POMGNT1: variants seen among roughly 807,000 people sequenced by gnomAD.
The protein encoded by POMGNT1 is protein O-linked mannose N-acetylglucosaminyltransferase 1 (beta 1,2-).
Under a neutral mutation model 95.6 loss-of-function variants are expected in POMGNT1, and 67 were observed. The ratio of observed to expected loss-of-function variants is 0.70; its 90% CI spans 0.58 to 0.86. The LOEUF (loss-of-function observed/expected upper bound fraction) is 0.86, where lower values mean the gene tolerates loss of function less well. POMGNT1 is among the 40% of genes least tolerant of loss of function. The pLI is 0.00. For synonymous variants in POMGNT1, 298 were observed against 317.9 expected (o/e 0.94, Z 0.66); for missense variants, 719 against 855.2 (o/e 0.84, Z 1.99).
intron 1 of POMGNT1, among the ~76,000 whole-genome samples, chr1:46,216,983 T>C (rs569377501): frequency 6.6e-6 from 1 of 152,328 alleles, no homozygotes; most frequent in South Asian, 2.1e-4. Context: ...TTATATCTTA[T>C]GGATGTGTAA....
At chr1:46,190,101 T>C in intron 19 of POMGNT1, 112 bp from the exon 20 acceptor site, 1 of 1,108,562 alleles carries the variant, frequency 9.0e-7, no homozygotes, top group South Asian at 1.8e-5. Flanking sequence ...GAAGTTCTTT[T>C]TTTTTTTTTT....
rs1657944896 is a variant in POMGNT1 at position 46,193,358 on chromosome 1, G to C, written c.1057C>G (p.Leu353Val). The change falls in exon 12 of 22, where the codon CTG becomes GTG. Residue 353 changes from leucine (L) to valine (V), a missense_variant. Around this residue, in one of 5 missense-constraint regions of POMGNT1, gnomAD observed 466 missense variants for 517.4 expected, o/e 0.90. Coordinates refer to ENST00000371984, the MANE Select transcript of POMGNT1 (RefSeq NM_017739.4). ...EPMDVVALFG[L>V]RGIQHTPISI... ...ATGGGAGTATGCTGGATGCCCCTCA[G>C]ACCAAACAGTGCCACCACATCCATG... 1 of 1,613,224 alleles carries C rather than the reference G, an allele frequency of 6.2e-7. No individual in the cohort carries two copies. The highest frequency in any genetic ancestry group is 1.3e-5 in the African/African-American group (1 of 74,900).
chr1:46,189,654 C>G, intron 20 of POMGNT1, 87 bp from the exon 21 acceptor site: 1 of 1,556,676 alleles, frequency 6.4e-7, no homozygotes. Flanking sequence ...GCCCCCACCC[C>G]TCCTCAGAAA....
rs386834016 is a variant in POMGNT1, at chr1:46,190,786, T to C, written c.1540-2A>G. ...CTTGTGCTTCTTGAAGTAGGCCTCC[T>C]GGAGTGGGTATGAGAGTGAAAATCA... On this transcript the variant is annotated splice_acceptor_variant, in intron 17 of 21. Coordinates refer to ENST00000371984, the MANE Select transcript of POMGNT1 (RefSeq NM_017739.4). LOFTEE classifies it high-confidence loss of function. The C allele has an allele frequency of 6.2e-7, 1 of 1,611,670 alleles. No homozygotes were observed. The highest frequency in any genetic ancestry group is 8.5e-7 in the Non-Finnish European group (1 of 1,177,746).
Position 46,197,818 on chromosome 1 carries a change from C to G in POMGNT1, c.4G>C (p.Asp2His), listed in dbSNP as rs201787325. 2 of 1,614,104 alleles carry G rather than the reference C, an allele frequency of 1.2e-6. No individual in the cohort carries two copies. Among genetic ancestry groups the G allele is most frequent in the East Asian group, 4.5e-5 (2 of 44,888 alleles). The change falls in exon 2 of 22, where the codon GAC (aspartate) becomes CAC (histidine). Residue 2 changes from aspartate to histidine, a missense_variant. Asp to His is a moderately conservative substitution (Grantham distance 81, BLOSUM62 -1). This residue lies in a region of POMGNT1 where 466 missense variants were observed against 517.4 expected (regional missense o/e 0.90). Transcript: ENST00000371984. M[D>H]DWKPSPLIKP... ...ATGAGGGGGCTGGGCTTCCAGTCGT[C>G]CATACCGGATTGGCGGGTCACCAAT...
Position 46,192,058 on chromosome 1 carries a change from G to A in POMGNT1, c.1539+40C>T, listed in dbSNP as rs146255387. ...AGAGTCCATGTTCTTGTTCTTGACT[G>A]TCATGCCACACTGTGCCCTGCTCCC... is the stretch of plus-strand genomic sequence containing the variant. On this transcript the variant is annotated intron_variant, in intron 17 of 21. Coordinates refer to ENST00000371984, the MANE Select transcript of POMGNT1 (RefSeq NM_017739.4). 3,037 of 1,593,958 alleles carry A rather than the reference G, an allele frequency of 1.9e-3. 8 individuals are homozygous for A. The highest frequency in any genetic ancestry group is 2.2e-3 in the Non-Finnish European group (2,527 of 1,162,746).
intron 18 of POMGNT1, 21 bp from the exon 19 acceptor site, chr1:46,190,538 G>C (rs1230074521): frequency 1.3e-6 from 2 of 1,593,314 alleles, no homozygotes; most frequent in Admixed American, 1.7e-5. Flanking sequence ...GGGAGAAATG[G>C]GTCAGGGGAG....
chr1:46,192,593 G>A lies in POMGNT1; in HGVS notation c.1212-3C>T, dbSNP rs755104526. 4 of 1,613,934 alleles carry A rather than the reference G, an allele frequency of 2.5e-6. No individual in the cohort carries two copies. The South Asian group carries it at 4.4e-5, about 18-fold the overall frequency. Reference sequence around the variant, plus strand: ...GGTGGATGGATTGGCTCAGGAAACTGAGAGAGGCAGGGTCAAAGAGTTCAG... The same window carrying A: ...GGTGGATGGATTGGCTCAGGAAACTAAGAGAGGCAGGGTCAAAGAGTTCAG... On this transcript the variant is annotated splice_polypyrimidine_tract_variant and splice_region_variant and intron_variant, in intron 14 of 21. Coordinates refer to ENST00000371984, the MANE Select transcript of POMGNT1 (RefSeq NM_017739.4).
intron 1 of POMGNT1, among the ~76,000 whole-genome samples, chr1:46,209,549 C>CT (rs397745964): frequency 0.36 from 45,531 of 127,396 alleles, 8,124 homozygotes; most frequent in South Asian, 0.62. Flanking sequence ...TTTTTTTTTT[C>CT]TTTTTTTTTT....
chr1:46,201,754 G>T (rs1281590041), upstream of POMGNT1, among the ~76,000 whole-genome samples: 1 of 151,352 alleles, frequency 6.6e-6, no homozygotes, highest in Non-Finnish European at 1.5e-5. Context: ...TATTGCCAAT[G>T]GGGGAAAGGA....
intron 1 of POMGNT1, among the ~76,000 whole-genome samples, chr1:46,212,740 C>G (rs968740827): frequency 2.6e-5 from 4 of 151,928 alleles, no homozygotes; most frequent in African/African-American, 7.3e-5. Context: ...CCATGCTTGG[C>G]TAATTTTTTA....
At chr1:46,191,216 G>A (rs909308804) in intron 17 of POMGNT1, 2 of 288,694 alleles carry the variant, frequency 6.9e-6, no homozygotes, top group East Asian at 1.7e-4. Context: ...CTCTCTGGGA[G>A]AGGAATGGGG....
upstream of POMGNT1, among the ~76,000 whole-genome samples, chr1:46,200,084 C>T (rs565471218): frequency 7.2e-5 from 11 of 152,226 alleles, no homozygotes; most frequent in African/African-American, 2.6e-4. Context: ...GCAGGAGAAT[C>T]GCTTGAACCT....
intron 1 of POMGNT1, among the ~76,000 whole-genome samples, chr1:46,206,510 T>C (rs991985143): frequency 2.0e-5 from 3 of 152,046 alleles, no homozygotes; most frequent in African/African-American, 4.8e-5. Flanking sequence ...GGAAGGAGAA[T>C]TGGGTTTGGA....
At chr1:46,207,581 C>T (rs1339279952) in intron 1 of POMGNT1, among the ~76,000 whole-genome samples, 2 of 151,792 alleles carry the variant, frequency 1.3e-5, no homozygotes, top group African/African-American at 4.8e-5. Flanking sequence ...CTCTGTCGCC[C>T]AGGCTGGAGT....
At chr1:46,217,996 A>C (rs1659119801) in intron 1 of POMGNT1, among the ~76,000 whole-genome samples, 1 of 152,220 alleles carries the variant, frequency 6.6e-6, no homozygotes, top group African/African-American at 2.4e-5. Flanking sequence ...ACAACTAAAT[A>C]AATAATAATA....
upstream of POMGNT1, among the ~76,000 whole-genome samples, chr1:46,201,309 C>T (rs1323959049): frequency 1.3e-5 from 2 of 150,830 alleles, no homozygotes; most frequent in African/African-American, 2.4e-5. Flanking sequence ...GCCAGGAGTT[C>T]GAGACCAGCC....
At chr1:46,217,593 C>T (rs1002810820) in intron 1 of POMGNT1, among the ~76,000 whole-genome samples, 1 of 152,014 alleles carries the variant, frequency 6.6e-6, no homozygotes, top group Admixed American at 6.6e-5. Flanking sequence ...TGGTGGTTCA[C>T]GCCTTGTAAT....
intron 1 of POMGNT1, among the ~76,000 whole-genome samples, chr1:46,206,462 A>G (rs1433580960): frequency 1.3e-5 from 2 of 152,128 alleles, no homozygotes; most frequent in Non-Finnish European, 2.9e-5. Flanking sequence ...TCTGGTATGT[A>G]GATGTTAAGG....
Sources: gnomAD v4.1 joint callset for allele counts (sites outside exome capture counted in the v4.1 genomes callset) on GRCh38, gnomAD v4.1.1 for gene constraint, gnomAD v4.1.1 regional missense constraint, MANE v1.5 for transcripts, NCBI Gene and HGNC (gene_info 2026-07-23, HGNC 2026-07-21) for gene names.